Variants in THBS4 observed in about 807,000 individuals in gnomAD.
The protein encoded by THBS4 is thrombospondin 4, also known as thrombospondin-4.
Under a neutral mutation model 115.7 loss-of-function variants are expected in THBS4, and 90 were observed. The ratio of observed to expected loss-of-function variants is 0.78; its 90% CI spans 0.66 to 0.93. The LOEUF is 0.93. Among genes scored for constraint, THBS4 ranks in the 40% least tolerant of loss-of-function variants. The pLI is 0.00. For missense variants in THBS4, 1,087 were observed against 1,232.7 expected (o/e 0.88, Z 1.77); for synonymous variants, 460 against 479.3 (o/e 0.96, Z 0.53).
chr5:79,999,656 G>A (rs1340461943), intron 2 of THBS4, among the ~76,000 whole-genome samples: 1 of 152,176 alleles, frequency 6.6e-6, no homozygotes, highest in Non-Finnish European at 1.5e-5. Context: ...CCTGAGGAAA[G>A]ATTCATTATT....
intron 5 of THBS4, 24 bp from the exon 6 acceptor site, chr5:80,059,416 T>G (rs1833547823): frequency 1.2e-6 from 2 of 1,612,162 alleles, no homozygotes; most frequent in African/African-American, 2.7e-5. Flanking sequence ...TTTCAATCCT[T>G]TTTTCCCCTT....
At position 80,072,289 on chromosome 5, in the gene THBS4, A is replaced by C; in HGVS notation, c.1732A>C (p.Ile578Leu). 6.2e-7 allele frequency: 1 copy of C among 1,614,186 alleles called. No homozygotes were observed. The highest frequency in any genetic ancestry group is 1.1e-5 in the South Asian group (1 of 91,082). The change falls in exon 14 of 22, where the codon ATT (isoleucine) becomes CTT (leucine). Residue 578 changes from isoleucine (I) to leucine (L), a missense_variant. Ile to Leu is a conservative substitution (Grantham distance 5). Around this residue, in one of 3 missense-constraint regions of THBS4, gnomAD observed 979 missense variants for 1,103.7 expected, o/e 0.89. Coordinates refer to ENST00000350881, the MANE Select transcript of THBS4 (RefSeq NM_003248.6). ...DDMDGDGIKNILDNCPKFPNR... is the reference protein window; with the variant it reads ...DDMDGDGIKNLLDNCPKFPNR... ...TTTCTTTCTCACAGGAATAAAAAAC[A>C]TTCTGGACAACTGCCCAAAATTTCC...
intron 2 of THBS4, among the ~76,000 whole-genome samples, chr5:80,018,556 G>A (rs926754446): frequency 1.3e-5 from 2 of 151,226 alleles, no homozygotes; most frequent in East Asian, 1.9e-4. Flanking sequence ...CACCACACCC[G>A]GCTAATTTTT....
chr5:80,035,418 A>ACGGGTC lies in THBS4; in HGVS notation c.-119_-114dup. Reference sequence around the variant, plus strand: ...CCCGACGGCAGCCCGGACGCCGAGCACGGGTCACCTGCGGCGCCGGCCCGG... The same window carrying ACGGGTC: ...CCCGACGGCAGCCCGGACGCCGAGCACGGGTCCGGGTCACCTGCGGCGCCGGCCCGG... On this transcript the variant is annotated 5_prime_UTR_variant, in exon 1 of 22. Coordinates refer to ENST00000350881, the MANE Select transcript of THBS4 (RefSeq NM_003248.6). This position sits in a 1 kb window ranked among gnomAD's most constrained non-coding sequence, Gnocchi z 4.6. 1.8e-6 allele frequency: 1 copy of ACGGGTC among 545,350 alleles called. No individual in the cohort carries two copies. The highest frequency in any genetic ancestry group is 2.6e-6 in the Non-Finnish European group (1 of 378,312). 33.8% of individuals were successfully genotyped at this position (545,350 alleles called of 1,614,324 possible).
Position 80,083,124 on chromosome 5 carries a change from G to T in THBS4, c.2869G>T (p.Asp957Tyr). The stretch of plus-strand genomic sequence containing the variant: ...CCAAGAGTTTCAAACCCAGAATTTC[G>T]ACCGCTTCGATAATTAAACCAAGGA... ...DFQEFQTQNF[D>Y]RFDN The change falls in exon 22 of 22, where the codon GAC becomes TAC. Residue 957 changes from aspartate (D) to tyrosine (Y), a missense_variant. By Grantham distance (160) the Asp-to-Tyr change is radical. Coordinates refer to ENST00000350881, the MANE Select transcript of THBS4 (RefSeq NM_003248.6). 1 of 1,613,772 alleles carries T rather than the reference G, an allele frequency of 6.2e-7. No individual in the cohort carries two copies. The highest frequency in any genetic ancestry group is 8.5e-7 in the Non-Finnish European group (1 of 1,179,716).
chr5:80,013,850 C>T (rs545693236), intron 2 of THBS4, among the ~76,000 whole-genome samples: 7 of 152,318 alleles, frequency 4.6e-5, no homozygotes, highest in African/African-American at 7.2e-5. Flanking sequence ...GGGCCTAAAA[C>T]GTAGTAAGCA....
At chr5:80,016,698 T>G (rs1832258909) in intron 2 of THBS4, among the ~76,000 whole-genome samples, 1 of 152,170 alleles carries the variant, frequency 6.6e-6, no homozygotes, top group African/African-American at 2.4e-5. Context: ...CAATGTGAGG[T>G]GATAATTTTT....
intron 2 of THBS4, among the ~76,000 whole-genome samples, chr5:80,012,081 C>T (rs1049807167): frequency 3.3e-5 from 5 of 151,848 alleles, no homozygotes; most frequent in African/African-American, 1.2e-4. Context: ...CATGCAATTT[C>T]CCTTTATATA....
rs1833779319 is a variant in THBS4, at chr5:80,065,402, G to T, written c.1126-7G>T. 1.2e-6 allele frequency: 2 copies of T among 1,608,956 alleles called. No homozygotes were observed. ...CGCTAAACTTTCTTTGAACTTTTCT[G>T]CACTAGGTCTGCACTGACATTGATG... On this transcript the variant is annotated splice_polypyrimidine_tract_variant and splice_region_variant and intron_variant, in intron 8 of 21. Transcript: ENST00000350881.
At chr5:80,077,698 G>A (rs575379415) in intron 16 of THBS4, among the ~76,000 whole-genome samples, 4 of 152,364 alleles carry the variant, frequency 2.6e-5, no homozygotes, top group African/African-American at 7.2e-5. Context: ...AGTCCAGAAA[G>A]TGCTGTAGAC....
chr5:80,070,872 A>C (rs1203427219), intron 12 of THBS4, 122 bp downstream of exon 12: 2 of 1,552,780 alleles, frequency 1.3e-6, no homozygotes, highest in Non-Finnish European at 1.8e-6. Flanking sequence ...TGCATTCCAC[A>C]GCACTGCAGC....
intron 8 of THBS4, among the ~76,000 whole-genome samples, chr5:80,062,777 A>T (rs912212421): frequency 3.9e-5 from 6 of 152,154 alleles, no homozygotes; most frequent in African/African-American, 1.4e-4. Flanking sequence ...GAGTGAGAAC[A>T]TGCGGTGTTT....
intron 10 of THBS4, among the ~76,000 whole-genome samples, chr5:80,069,878 T>C (rs1001705147): frequency 1.3e-5 from 2 of 152,206 alleles, no homozygotes; most frequent in Non-Finnish European, 1.5e-5. Context: ...TTTTGGGTGG[T>C]GAGGCCAGGA....
At chr5:80,044,287 T>C (rs1315371475) in intron 2 of THBS4, among the ~76,000 whole-genome samples, 5 of 152,154 alleles carry the variant, frequency 3.3e-5, no homozygotes, top group Non-Finnish European at 5.9e-5. Flanking sequence ...GCCTTGTACA[T>C]AGAAGTAGTT....
intron 2 of THBS4, among the ~76,000 whole-genome samples, chr5:80,004,983 C>A (rs1444561165): frequency 1.3e-5 from 2 of 152,090 alleles, no homozygotes; most frequent in Non-Finnish European, 2.9e-5. Flanking sequence ...GGTGATCCAC[C>A]CTCCTTGGCC....
intron 2 of THBS4, among the ~76,000 whole-genome samples, chr5:80,008,586 AT>A (rs1832061583): frequency 6.6e-6 from 1 of 152,114 alleles, no homozygotes; most frequent in Non-Finnish European, 1.5e-5. Flanking sequence ...TCCAAAGTAC[AT>A]ATGATAGCCA....
At chr5:80,013,756 T>G (rs1236544685) in intron 2 of THBS4, among the ~76,000 whole-genome samples, 1 of 152,192 alleles carries the variant, frequency 6.6e-6, no homozygotes, top group Non-Finnish European at 1.5e-5. Flanking sequence ...AGACTTCATC[T>G]CCTCGTTTGT....
upstream of THBS4, chr5:80,033,184 T>C: frequency 2.2e-6 from 1 of 451,972 alleles, no homozygotes; most frequent in South Asian, 1.8e-5. Context: ...TGTTTCCTCA[T>C]CATTCAGCAG....
At chr5:80,033,229 C>T (rs1004364337), upstream of THBS4, 7 of 450,710 alleles carry the variant, frequency 1.6e-5, no homozygotes, top group African/African-American at 8.2e-5. Flanking sequence ...GGGGAACACA[C>T]GTCCAGACTC....
Sources: allele counts gnomAD v4.1 joint callset (sites outside exome capture counted in the v4.1 genomes callset), GRCh38; gene constraint gnomAD v4.1.1; regional missense constraint gnomAD v4.1.1; non-coding constraint Gnocchi (gnomAD v3.1); transcripts MANE v1.5; gene names NCBI Gene and HGNC (gene_info 2026-07-23, HGNC 2026-07-21).